STOX1: variants seen among roughly 807,000 people sequenced by gnomAD.
The protein encoded by STOX1 is storkhead box 1.
Under a neutral mutation model 74.8 loss-of-function variants are expected in STOX1, and 57 were observed. That is an observed-to-expected ratio of 0.76 (90% confidence interval 0.62 to 0.95). The LOEUF (loss-of-function observed/expected upper bound fraction) is 0.95, where lower values mean the gene tolerates loss of function less well. STOX1 is among the 40% of genes least tolerant of loss of function. STOX1 has a pLI of 0.00. For missense variants in STOX1, 1,010 were observed against 1,117.0 expected (o/e 0.90, Z 1.37); for synonymous variants, 375 against 401.3 (o/e 0.93, Z 0.78).
chr10:68,888,695 TACAATC>T (rs1370027859), intron 3 of STOX1, among the ~76,000 whole-genome samples: 1 of 146,414 alleles, frequency 6.8e-6, no homozygotes, highest in Non-Finnish European at 1.5e-5. Flanking sequence ...AGTGCAGTGG[TACAATC>T]ACAGCTCACT....
intron 1 of STOX1, among the ~76,000 whole-genome samples, chr10:68,880,120 T>A (rs1339634341): frequency 1.3e-5 from 2 of 152,020 alleles, no homozygotes; most frequent in Admixed American, 1.3e-4. Flanking sequence ...AATTGGAACT[T>A]TAATTTCTGT....
intron 1 of STOX1, chr10:68,829,115 A>G (rs1839340756): frequency 2.5e-6 from 1 of 399,760 alleles, no homozygotes; most frequent in Non-Finnish European, 3.4e-6. Flanking sequence ...ATTCTTACCA[A>G]GGAACCCCTC....
intron 1 of STOX1, among the ~76,000 whole-genome samples, chr10:68,830,339 A>G (rs966329324): frequency 1.3e-5 from 2 of 151,666 alleles, no homozygotes; most frequent in Non-Finnish European, 2.9e-5. Flanking sequence ...TTTTGTTTTT[A>G]ATTTAATTTA....
chr10:68,865,717 T>C (rs1010529750), intron 1 of STOX1, among the ~76,000 whole-genome samples: 3 of 152,218 alleles, frequency 2.0e-5, no homozygotes, highest in African/African-American at 7.2e-5. Flanking sequence ...CTGGCTGTAA[T>C]GCCCCCTAGG....
intron 1 of STOX1, among the ~76,000 whole-genome samples, chr10:68,873,483 G>A (rs1014250085): frequency 3.4e-5 from 5 of 148,308 alleles, no homozygotes; most frequent in African/African-American, 9.9e-5. Context: ...GGATGATCTC[G>A]ATCTCCTGAC....
intron 1 of STOX1, among the ~76,000 whole-genome samples, chr10:68,841,566 A>G (rs889281995): frequency 1.3e-5 from 2 of 152,214 alleles, no homozygotes; most frequent in East Asian, 1.9e-4. Context: ...AAAAAAATCC[A>G]TGTATAAGTG....
At chr10:68,853,099 A>G (rs1235758569) in intron 1 of STOX1, among the ~76,000 whole-genome samples, 1 of 151,634 alleles carries the variant, frequency 6.6e-6, no homozygotes, top group East Asian at 1.9e-4. Flanking sequence ...ATTTTTTGTT[A>G]TTTTTAGTAG....
chr10:68,881,117 G>C (rs1201986643), intron 1 of STOX1, among the ~76,000 whole-genome samples: 2 of 152,102 alleles, frequency 1.3e-5, no homozygotes, highest in African/African-American at 4.8e-5. Flanking sequence ...TTGATTCCCA[G>C]ATCTCTTTCC....
chr10:68,841,613 C>A (rs1030397491), intron 1 of STOX1, among the ~76,000 whole-genome samples: 4 of 152,006 alleles, frequency 2.6e-5, no homozygotes, highest in Non-Finnish European at 5.9e-5. Context: ...GGTACAGAAA[C>A]ACTAGTTCTG....
Position 68,892,875 on chromosome 10 carries a change from G to A in STOX1, c.*139G>A. On this transcript the variant is annotated 3_prime_UTR_variant, in exon 4 of 4. Coordinates refer to ENST00000298596, the MANE Select transcript of STOX1 (RefSeq NM_152709.5). ...TACTATTAACCACATTACACATTTT[G>A]TTCTAATTACTGGCTTTTTTTCCTC... 1 of 995,550 alleles carries A rather than the reference G, an allele frequency of 1.0e-6. No individual in the cohort carries two copies. Among genetic ancestry groups the A allele is most frequent in the Non-Finnish European group, 1.5e-6 (1 of 684,386 alleles). 61.7% of individuals were successfully genotyped at this position (995,550 alleles called of 1,614,324 possible). A position where few individuals can be genotyped will look rare whatever the true frequency, so the allele number is the denominator to read the frequency against.
intron 3 of STOX1, among the ~76,000 whole-genome samples, chr10:68,890,453 G>A (rs1841070710): frequency 6.6e-6 from 1 of 151,982 alleles, no homozygotes; most frequent in Non-Finnish European, 1.5e-5. Flanking sequence ...ATGAGCCACT[G>A]TGCCCAGCCT....
chr10:68,859,060 G>A (rs1015587281), intron 1 of STOX1, among the ~76,000 whole-genome samples: 5 of 151,884 alleles, frequency 3.3e-5, no homozygotes, highest in African/African-American at 1.2e-4. Flanking sequence ...AGGTTCTTTG[G>A]GGACTCACAG....
intron 2 of STOX1, among the ~76,000 whole-genome samples, chr10:68,882,637 T>C (rs996013673): frequency 2.6e-5 from 4 of 151,884 alleles, no homozygotes; most frequent in African/African-American, 7.3e-5. Context: ...TAGCTGGGAT[T>C]ACAGGCGCCT....
intron 3 of STOX1, among the ~76,000 whole-genome samples, chr10:68,888,431 T>A (rs976685615): frequency 1.3e-5 from 2 of 152,102 alleles, no homozygotes; most frequent in African/African-American, 2.4e-5. Flanking sequence ...AAAAATCATT[T>A]TATATTTGGT....
At chr10:68,833,857 G>A (rs1468704229) in intron 1 of STOX1, among the ~76,000 whole-genome samples, 1 of 152,132 alleles carries the variant, frequency 6.6e-6, no homozygotes, top group Non-Finnish European at 1.5e-5. Context: ...ATTGCACCCG[G>A]CCCGCTTCTG....
rs941428521 is a variant in STOX1, at chr10:68,886,276, G to T, written c.2480G>T (p.Gly827Val). The T allele has an allele frequency of 6.8e-6, 11 of 1,614,148 alleles. No individual in the cohort carries two copies. Among genetic ancestry groups the T allele is most frequent in the Non-Finnish European group, 8.5e-6 (10 of 1,180,024 alleles). ...LSAESCGLNS[G>V]AQFGFNYEEE... ...GCTGAAAGTTGTGGCCTAAATTCAG[G>T]GGCCCAGTTTGGTTTTAACTACGAA... Residue 827 changes from glycine (G) to valine (V), a missense_variant, in exon 3 of 4, where the codon GGG becomes GTG. Physicochemically the swap from Gly to Val is moderately radical, Grantham distance 109. Coordinates refer to ENST00000298596, the MANE Select transcript of STOX1 (RefSeq NM_152709.5).
intron 1 of STOX1, among the ~76,000 whole-genome samples, chr10:68,849,911 G>A (rs1054611722): frequency 5.3e-5 from 8 of 152,088 alleles, no homozygotes; most frequent in Non-Finnish European, 1.0e-4. Flanking sequence ...AGAAAGATAC[G>A]GCTTGCCCTT....
rs149455386 is a variant in STOX1 at position 68,886,617 on chromosome 10, C to T, written c.2821C>T (p.Arg941Trp). ...MAGDSGIDSP[R>W]TQSLGSNNSV... ...AGGAGATAGTGGAATAGATTCTCCA[C>T]GGTAGGTCCATACAAAAGTGTCTGA... The change falls in exon 3 of 4, where the codon CGG becomes TGG. Residue 941 changes from arginine to tryptophan, a missense_variant and splice_region_variant. Physicochemically the swap from Arg to Trp is moderately radical, Grantham distance 101. Transcript: ENST00000298596. The T allele has an allele frequency of 1.3e-3, 2,148 of 1,613,680 alleles. 24 individuals carry two copies. The East Asian group carries it at 0.027, about 20-fold the overall frequency.
Position 68,892,720 on chromosome 10 carries a change from C to T in STOX1, c.2954C>T (p.Pro985Leu). Reference sequence around the variant, plus strand: ...TCTAATTCCTTACTACCGCTAACTCCAGTCATAAACGTTTAATTTTCTTTT... The same window carrying T: ...TCTAATTCCTTACTACCGCTAACTCTAGTCATAAACGTTTAATTTTCTTTT... ...LTSNSLLPLT[P>L]VINV Residue 985 changes from proline to leucine, a missense_variant, in exon 4 of 4, where the codon CCA becomes CTA. Transcript: ENST00000298596. The T allele has an allele frequency of 6.2e-7, 1 of 1,613,882 alleles. No individual in the cohort carries two copies. Among genetic ancestry groups the T allele is most frequent in the Admixed American group, 1.7e-5 (1 of 60,010 alleles).
Sources: allele counts gnomAD v4.1 joint callset (sites outside exome capture counted in the v4.1 genomes callset), GRCh38; gene constraint gnomAD v4.1.1; transcripts MANE v1.5; gene names NCBI Gene and HGNC (gene_info 2026-07-23, HGNC 2026-07-21).